Variants in PRDM16 observed in about 807,000 individuals in gnomAD.
PRDM16 encodes the protein PR/SET domain 16.
In PRDM16, 23 loss-of-function variants were observed where a neutral mutation model predicts 110.6. The observed-to-expected ratio is 0.21, with a 90% confidence interval of 0.15 to 0.29. The LOEUF is 0.29. Ranked by LOEUF, PRDM16 falls within the 10% of genes least tolerant of loss-of-function variation. PRDM16 has a pLI of 1.00. For synonymous variants in PRDM16, 799 were observed against 781.8 expected, an observed-to-expected ratio of 1.02 and a Z score of -0.37; for missense variants, 1,615 against 1,794.3, an observed-to-expected ratio of 0.90 and a Z score of 1.81.
chr1:3,317,712 C>T (rs12138577), intron 3 of PRDM16, among the ~76,000 whole-genome samples: 2,208 of 152,318 alleles, frequency 0.014, 33 homozygotes, highest in Non-Finnish European at 0.021. Flanking sequence ...TGCCCCAGCC[C>T]GGAGCCTGCC....
chr1:3,203,578 TC>T (rs1250878183), intron 2 of PRDM16, among the ~76,000 whole-genome samples: 7 of 142,306 alleles, frequency 4.9e-5, no homozygotes, highest in African/African-American at 2.1e-4. Flanking sequence ...TGCGTTTCTC[TC>T]CCCGGGGGGG....
Position 3,265,006 on chromosome 1 carries a change from G to A in PRDM16, c.438+20869G>A, listed in dbSNP as rs1207947356. 1.3e-5 allele frequency among the ~76,000 whole-genome samples: 2 copies of A among 151,920 alleles called. No homozygotes were observed. Among genetic ancestry groups the A allele is most frequent in the East Asian group, 3.9e-4 (2 of 5,134 alleles). On this transcript the variant is annotated intron_variant, in intron 3 of 16. Coordinates refer to ENST00000270722, the MANE Select transcript of PRDM16 (RefSeq NM_022114.4). The surrounding 1 kb of genome is among the most constrained non-coding windows in gnomAD (Gnocchi z 4.5). ...AGGAGGGGTCAAGCAGACAGATGCA[G>A]ATTTCTGAGCACAGAGAAACCTGAG...
chr1:3,161,835 A>G (rs1475117520), intron 1 of PRDM16, among the ~76,000 whole-genome samples: 1 of 152,228 alleles, frequency 6.6e-6, no homozygotes, highest in Non-Finnish European at 1.5e-5. Context: ...GCCTGTCTCC[A>G]TGAGGATTTG....
chr1:3,269,540 C>CACAGTCATGGAAG (rs1640380103), intron 3 of PRDM16, among the ~76,000 whole-genome samples: 2 of 131,660 alleles, frequency 1.5e-5, no homozygotes, highest in South Asian at 2.5e-4. Flanking sequence ...CGGGGAGGAG[C>CACAGTCATGGAAG]ACAGTCCTGG....
At chr1:3,168,964 G>C (rs1181930289) in intron 1 of PRDM16, among the ~76,000 whole-genome samples, 2 of 152,208 alleles carry the variant, frequency 1.3e-5, no homozygotes, top group Non-Finnish European at 2.9e-5. Context: ...CCAGGGTGCA[G>C]GTTCAGGACC....
chr1:3,134,644 T>C (rs1643400618), intron 1 of PRDM16, among the ~76,000 whole-genome samples: 1 of 152,258 alleles, frequency 6.6e-6, no homozygotes. Flanking sequence ...CGTGGCGGCT[T>C]GAAGGACCTT....
chr1:3,107,249 T>C (rs1642679609), intron 1 of PRDM16, among the ~76,000 whole-genome samples: 1 of 152,214 alleles, frequency 6.6e-6, no homozygotes, highest in Non-Finnish European at 1.5e-5. Flanking sequence ...CCTGTTGGTC[T>C]TGGGGGACCA....
intron 3 of PRDM16, among the ~76,000 whole-genome samples, chr1:3,366,921 G>T (rs539540161): frequency 2.6e-5 from 4 of 152,174 alleles, no homozygotes; most frequent in African/African-American, 4.8e-5. Context: ...GGGGCTGCAC[G>T]TGCGTGTTTT....
intron 12 of PRDM16, among the ~76,000 whole-genome samples, chr1:3,421,006 C>A (rs912136207): frequency 7.2e-5 from 11 of 152,306 alleles, no homozygotes; most frequent in Admixed American, 7.2e-4. Context: ...CATCATCTCC[C>A]CAGGCTCCAT....
intron 3 of PRDM16, among the ~76,000 whole-genome samples, chr1:3,273,360 C>G (rs1260847093): frequency 2.0e-5 from 3 of 152,180 alleles, no homozygotes; most frequent in Admixed American, 2.0e-4. Flanking sequence ...TTCCACATCT[C>G]TTATGATCCT....
At chr1:3,082,803 C>T (rs1171593751) in intron 1 of PRDM16, among the ~76,000 whole-genome samples, 1 of 152,198 alleles carries the variant, frequency 6.6e-6, no homozygotes, top group East Asian at 1.9e-4. Context: ...CCGAGGGGGC[C>T]TGGGGGACAG....
intron 3 of PRDM16, among the ~76,000 whole-genome samples, chr1:3,312,981 C>T (rs1006169365): frequency 6.6e-6 from 1 of 152,234 alleles, no homozygotes; most frequent in Non-Finnish European, 1.5e-5. Flanking sequence ...CAACTTGTGA[C>T]TTCCAGGAGG....
At chr1:3,219,925 C>A (rs185987952) in intron 2 of PRDM16, among the ~76,000 whole-genome samples, 6 of 152,314 alleles carry the variant, frequency 3.9e-5, no homozygotes, top group Non-Finnish European at 8.8e-5. Context: ...GGCCATGGAC[C>A]CAGACCGGCG....
intron 3 of PRDM16, among the ~76,000 whole-genome samples, chr1:3,284,979 C>T (rs1038355496): frequency 2.6e-5 from 4 of 152,162 alleles, no homozygotes; most frequent in Admixed American, 6.5e-5. Flanking sequence ...CCCGGGCTTT[C>T]GGAGGCGAAT....
chr1:3,119,176 C>G (rs575188283), intron 1 of PRDM16, among the ~76,000 whole-genome samples: 1 of 152,348 alleles, frequency 6.6e-6, no homozygotes, highest in African/African-American at 2.4e-5. Flanking sequence ...GCTGGACAGC[C>G]CCTGCCTGGC....
intron 3 of PRDM16, among the ~76,000 whole-genome samples, chr1:3,329,870 G>T (rs1642007773): frequency 1.3e-5 from 2 of 152,268 alleles, no homozygotes; most frequent in South Asian, 4.1e-4. Flanking sequence ...TTACCCACAG[G>T]TGCCCATGGC....
At chr1:3,226,370 G>A (rs896765407) in intron 2 of PRDM16, among the ~76,000 whole-genome samples, 5 of 152,170 alleles carry the variant, frequency 3.3e-5, no homozygotes, top group Non-Finnish European at 5.9e-5. Context: ...TCGGGTGTGC[G>A]GTGAGGCTGC....
chr1:3,281,183 C>A (rs10492940), intron 3 of PRDM16, among the ~76,000 whole-genome samples: 14,056 of 152,316 alleles, frequency 0.092, 873 homozygotes, highest in Middle Eastern at 0.16. Flanking sequence ...CTCTTCAACT[C>A]GAAACGTTGC....
At chr1:3,138,171 C>G (rs958365197) in intron 1 of PRDM16, among the ~76,000 whole-genome samples, 6 of 152,248 alleles carry the variant, frequency 3.9e-5, no homozygotes, top group Non-Finnish European at 8.8e-5. Flanking sequence ...CTTGCCATTT[C>G]CTTCTGTCCC....
Sources: gnomAD v4.1 joint callset for allele counts (sites outside exome capture counted in the v4.1 genomes callset) on GRCh38, gnomAD v4.1.1 for gene constraint, Gnocchi (gnomAD v3.1) non-coding constraint, MANE v1.5 for transcripts, NCBI Gene and HGNC (gene_info 2026-07-23, HGNC 2026-07-21) for gene names.